Variants in RAB11FIP1 observed in about 807,000 individuals in gnomAD.
RAB11FIP1 encodes the protein rab11 family-interacting protein 1.
In RAB11FIP1, 49 loss-of-function variants were observed where a neutral mutation model predicts 83.1. That is an observed-to-expected ratio of 0.59 (90% CI 0.47 to 0.75). RAB11FIP1 has a LOEUF of 0.75. Among genes scored for constraint, RAB11FIP1 ranks in the 30% least tolerant of loss-of-function variants. RAB11FIP1 has a pLI of 0.00. For synonymous variants in RAB11FIP1, 670 were observed against 656.0 expected (o/e 1.02, Z -0.33); for missense variants, 1,536 against 1,598.7 (o/e 0.96, Z 0.67).
At chr8:37,869,763 G>A (rs6468443) in intron 5 of RAB11FIP1, among the ~76,000 whole-genome samples, 114,266 of 152,058 alleles carry the variant, frequency 0.75, 43,209 homozygotes, top group East Asian at 0.98. Flanking sequence ...AGAAGGTTGG[G>A]GAGAGGAAGC....
At chr8:37,888,158 G>C (rs1806869876) in intron 1 of RAB11FIP1, among the ~76,000 whole-genome samples, 1 of 152,156 alleles carries the variant, frequency 6.6e-6, no homozygotes, top group African/African-American at 2.4e-5. Flanking sequence ...CCAGGCTGGA[G>C]TGCAGTGGCG....
At position 37,877,484 on chromosome 8, in the gene RAB11FIP1, G is replaced by T; in HGVS notation, c.439C>A (p.Gln147Lys). The change falls in exon 2 of 6, where the codon CAG (glutamine) becomes AAG (lysine). Residue 147 changes from glutamine (Q) to lysine (K), a missense_variant. Coordinates refer to ENST00000330843, the MANE Select transcript of RAB11FIP1 (RefSeq NM_001002814.3). ...GCAGTCATGTTGTTTCTCATAAACTGGATGTCAACCTCAATTTCTCCTCGC... is the reference window on the plus strand; with the variant it reads ...GCAGTCATGTTGTTTCTCATAAACTTGATGTCAACCTCAATTTCTCCTCGC... ...KERGEIEVDI[Q>K]FMRNNMTASM... is the part of the protein sequence containing the mutation. 6.2e-7 allele frequency: 1 copy of T among 1,613,346 alleles called. No homozygotes were observed.
chr8:37,878,465 C>T (rs780637094), intron 1 of RAB11FIP1, among the ~76,000 whole-genome samples: 48 of 139,888 alleles, frequency 3.4e-4, no homozygotes, highest in Admixed American at 2.9e-3. Flanking sequence ...ACCCAGGAGG[C>T]AGACGTTGCA....
chr8:37,869,428 C>A (rs1423429265), intron 5 of RAB11FIP1, among the ~76,000 whole-genome samples: 1 of 151,280 alleles, frequency 6.6e-6, no homozygotes, highest in Non-Finnish European at 1.5e-5. Context: ...CCTGTCTCTA[C>A]TAAAAATACA....
At position 37,872,273 on chromosome 8, in the gene RAB11FIP1, A is replaced by G; in HGVS notation, c.2529T>C (p.Ser843=). Residue 843 remains serine (S), a synonymous_variant, in exon 4 of 6, where the codon TCT becomes TCC. Transcript: ENST00000330843. Reference sequence around the variant, plus strand: ...CTCCGTCAGACGCGTTTCCAGCAACAGACCATGCAGGGTTCAGCTCCTGGG... The same window carrying G: ...CTCCGTCAGACGCGTTTCCAGCAACGGACCATGCAGGGTTCAGCTCCTGGG... ...SCPQELNPAW[S]VAGNASDGEP... The G allele has an allele frequency of 6.2e-7, 1 of 1,614,010 alleles. No homozygotes were observed. Among genetic ancestry groups the G allele is most frequent in the Non-Finnish European group, 8.5e-7 (1 of 1,179,934 alleles).
At chr8:37,894,085 C>T (rs924404976) in intron 1 of RAB11FIP1, among the ~76,000 whole-genome samples, 3 of 152,072 alleles carry the variant, frequency 2.0e-5, no homozygotes, top group Non-Finnish European at 4.4e-5. Flanking sequence ...ACTGTGGCTT[C>T]GAAAGACCTG....
rs1806178507 is a variant in RAB11FIP1, at chr8:37,858,884, G to C, written c.*4011C>G. 6.6e-6 allele frequency: 1 copy of C among 151,678 alleles called. No individual in the cohort carries two copies. Among genetic ancestry groups the C allele is most frequent in the African/African-American group, 2.4e-5 (1 of 41,292 alleles). 9.4% of individuals were successfully genotyped at this position (151,678 alleles called of 1,614,324 possible). A position where few individuals can be genotyped will look rare whatever the true frequency, so the allele number is the denominator to read the frequency against. ...CTGGTCATCCCCCCACCCCCACCAAGAGAGGTTTTCCAGGAAGACAAAATA... is the reference window on the plus strand; with the variant it reads ...CTGGTCATCCCCCCACCCCCACCAACAGAGGTTTTCCAGGAAGACAAAATA... On this transcript the variant is annotated 3_prime_UTR_variant, in exon 6 of 6. Coordinates refer to ENST00000330843, the MANE Select transcript of RAB11FIP1 (RefSeq NM_001002814.3).
intron 5 of RAB11FIP1, among the ~76,000 whole-genome samples, chr8:37,869,354 G>A (rs2130133568): frequency 6.6e-6 from 1 of 152,112 alleles, no homozygotes; most frequent in East Asian, 1.9e-4. Flanking sequence ...CACTTTGAGG[G>A]GCCAAGGCAG....
Position 37,872,566 on chromosome 8 carries a change from C to T in RAB11FIP1, c.2236G>A (p.Ala746Thr), listed in dbSNP as rs1806497070. 6.2e-7 allele frequency: 1 copy of T among 1,614,126 alleles called. No homozygotes were observed. The highest frequency in any genetic ancestry group is 8.5e-7 in the Non-Finnish European group (1 of 1,180,050). The change falls in exon 4 of 6, where the codon GCA becomes ACA. Residue 746 changes from alanine (A) to threonine (T), a missense_variant. Ala to Thr is a moderately conservative substitution (Grantham distance 58). Transcript: ENST00000330843. Reference protein sequence around the residue: ...GAVSPVGELAAGGDRDLESQA... With the variant: ...GAVSPVGELATGGDRDLESQA... ...CTCTCCAAGTCTCTGTCTCCTCCTG[C>T]TGCAAGCTCCCCAACAGGGCTCACA...
rs1806562572 is a variant in RAB11FIP1, at chr8:37,874,625, G to A, written c.1512C>T (p.Leu504=). 1.2e-6 allele frequency: 2 copies of A among 1,614,106 alleles called. No homozygotes were observed. The highest frequency in any genetic ancestry group is 1.7e-6 in the Non-Finnish European group (2 of 1,180,040). The change falls in exon 3 of 6, where the codon CTC becomes CTT. Residue 504 remains leucine, a synonymous_variant. Transcript: ENST00000330843. ...VVSRQGSSLN[L]FEDVQITEPE... ...GTTCTGTGATCTGCACATCTTCAAA[G>A]AGGTTCAGGGAGCTGCCCTGTCTGG...
intron 1 of RAB11FIP1, among the ~76,000 whole-genome samples, chr8:37,890,874 A>C (rs766144286): frequency 6.6e-6 from 1 of 152,150 alleles, no homozygotes; most frequent in African/African-American, 2.4e-5. Context: ...TACTTCGGAC[A>C]TCCCCAGTCT....
Position 37,872,266 on chromosome 8 carries a change from C to T in RAB11FIP1, c.2536G>A (p.Gly846Arg), listed in dbSNP as rs1806485192. The T allele has an allele frequency of 3.1e-6, 5 of 1,613,818 alleles. No individual in the cohort carries two copies. The highest frequency in any genetic ancestry group is 2.7e-5 in the African/African-American group (2 of 74,914). ...GGAGGCTCTCCGTCAGACGCGTTTC[C>T]AGCAACAGACCATGCAGGGTTCAGC... ...QELNPAWSVA[G>R]NASDGEPPES... is the part of the protein sequence containing the mutation. Residue 846 changes from glycine to arginine, a missense_variant, in exon 4 of 6, where the codon GGA becomes AGA. Physicochemically the swap from Gly to Arg is moderately radical, Grantham distance 125 (BLOSUM62 -2). Coordinates refer to ENST00000330843, the MANE Select transcript of RAB11FIP1 (RefSeq NM_001002814.3).
intron 1 of RAB11FIP1, among the ~76,000 whole-genome samples, chr8:37,898,481 C>T (rs141293736): frequency 1.0e-3 from 158 of 152,132 alleles, no homozygotes; most frequent in African/African-American, 3.8e-3. Context: ...GATGAAACCC[C>T]GTCTCTACTA....
chr8:37,883,259 C>T (rs1474039181), intron 1 of RAB11FIP1, among the ~76,000 whole-genome samples: 2 of 151,286 alleles, frequency 1.3e-5, no homozygotes, highest in Non-Finnish European at 2.9e-5. Flanking sequence ...AGTGCAGTGA[C>T]GTGATCTCAG....
chr8:37,877,499 T>C lies in RAB11FIP1; in HGVS notation c.424A>G (p.Ile142Val), dbSNP rs1297742988. ...PGKKDKERGE[I>V]EVDIQFMRNN... ...CTCATAAACTGGATGTCAACCTCAA[T>C]TTCTCCTCGCTCCTTGTCCTTCTTT... Residue 142 changes from isoleucine to valine, a missense_variant, in exon 2 of 6, where the codon ATT (isoleucine) becomes GTT (valine). Ile to Val is a conservative substitution (Grantham distance 29). Coordinates refer to ENST00000330843, the MANE Select transcript of RAB11FIP1 (RefSeq NM_001002814.3). 6.2e-7 allele frequency: 1 copy of C among 1,612,682 alleles called. No individual in the cohort carries two copies. The highest frequency in any genetic ancestry group is 1.3e-5 in the African/African-American group (1 of 74,902).
At position 37,899,457 on chromosome 8, in the gene RAB11FIP1, C is replaced by G; in HGVS notation, c.-16G>C. The G allele has an allele frequency of 6.7e-7, 1 of 1,501,024 alleles. No homozygotes were observed. Among genetic ancestry groups the G allele is most frequent in the Non-Finnish European group, 8.9e-7 (1 of 1,127,980 alleles). The allele number at this position is 1,501,024 out of a possible 1,614,324, so 93.0% of individuals were successfully genotyped here. Reference sequence around the variant, plus strand: ...TTAGGGACATGGTGACGATAACACTCCAGAAGCGAGGAGAAGATCGCCGCG... The same window carrying G: ...TTAGGGACATGGTGACGATAACACTGCAGAAGCGAGGAGAAGATCGCCGCG... On this transcript the variant is annotated 5_prime_UTR_variant, in exon 1 of 6. Transcript: ENST00000330843. This position sits in a 1 kb window ranked among gnomAD's most constrained non-coding sequence, Gnocchi z 4.5.
At chr8:37,897,787 A>T (rs561635875) in intron 1 of RAB11FIP1, among the ~76,000 whole-genome samples, 6 of 152,236 alleles carry the variant, frequency 3.9e-5, no homozygotes, top group Middle Eastern at 3.4e-3. Context: ...CCCAGGGCAC[A>T]CACCACACTG....
Position 37,899,470 on chromosome 8 carries a change from G to A in RAB11FIP1, c.-29C>T, listed in dbSNP as rs985927473. 5 of 1,488,500 alleles carry A rather than the reference G, an allele frequency of 3.4e-6. No homozygotes were observed. In the African/African-American group the frequency reaches 5.9e-5, roughly 18 times the overall value. 92.2% of individuals were successfully genotyped at this position (1,488,500 alleles called of 1,614,324 possible). A position where few individuals can be genotyped will look rare whatever the true frequency, so the allele number is the denominator to read the frequency against. ...GACGATAACACTCCAGAAGCGAGGA[G>A]AAGATCGCCGCGACTGGCGGCCTCC... On this transcript the variant is annotated 5_prime_UTR_variant, in exon 1 of 6. Transcript: ENST00000330843. The surrounding 1 kb of genome is among the most constrained non-coding windows in gnomAD (Gnocchi z 4.5).
At chr8:37,881,431 A>C (rs1806732762) in intron 1 of RAB11FIP1, among the ~76,000 whole-genome samples, 1 of 152,246 alleles carries the variant, frequency 6.6e-6, no homozygotes, top group Non-Finnish European at 1.5e-5. Flanking sequence ...TAAGCTTCTC[A>C]TTTAAATGTC....
Sources: allele counts gnomAD v4.1 joint callset (sites outside exome capture counted in the v4.1 genomes callset), GRCh38; gene constraint gnomAD v4.1.1; non-coding constraint Gnocchi (gnomAD v3.1); transcripts MANE v1.5; gene names NCBI Gene and HGNC (gene_info 2026-07-23, HGNC 2026-07-21).